CEP128: variants seen among roughly 807,000 people sequenced by gnomAD.
CEP128 encodes centrosomal protein 128kDa.
A neutral mutation model predicts 156.7 loss-of-function variants in CEP128; 132 were observed. That is an observed-to-expected ratio of 0.84 (90% CI 0.73 to 0.97). The LOEUF (loss-of-function observed/expected upper bound fraction) is 0.97, where lower values mean the gene tolerates loss of function less well. CEP128 is among the 50% of genes least tolerant of loss of function. The pLI is 0.00. For synonymous variants in CEP128, 469 were observed against 448.9 expected (o/e 1.04, Z -0.57); for missense variants, 1,252 against 1,281.9 (o/e 0.98, Z 0.36).
intron 18 of CEP128, among the ~76,000 whole-genome samples, 181 bp downstream of exon 18, chr14:80,756,711 T>C (rs1899677686): frequency 6.6e-6 from 1 of 152,182 alleles, no homozygotes; most frequent in South Asian, 2.1e-4. Context: ...ATATTTAACT[T>C]TAAAATGTTA....
chr14:80,853,882 G>T (rs1316754141), intron 9 of CEP128, among the ~76,000 whole-genome samples: 1 of 151,932 alleles, frequency 6.6e-6, no homozygotes, highest in African/African-American at 2.4e-5. Context: ...TTAAATTAGA[G>T]TGGAAAGAAC....
Position 80,777,972 on chromosome 14 carries a change from G to A in CEP128, c.2286C>T (p.Asp762=). ...GQLEKLKSQC[D]RLTEELTQNE... is the part of the protein sequence containing the mutation. ...TCTGGGTTAATTCCTCTGTCAGTCTGTCACACTGTGATTTCAACTTCTCCA... is the reference window on the plus strand; with the variant it reads ...TCTGGGTTAATTCCTCTGTCAGTCTATCACACTGTGATTTCAACTTCTCCA... Residue 762 remains aspartate, a synonymous_variant, in exon 16 of 25, where the codon GAC becomes GAT. Transcript: ENST00000555265. 10 of 1,612,968 alleles carry A rather than the reference G, an allele frequency of 6.2e-6. No individual in the cohort carries two copies. Among genetic ancestry groups the A allele is most frequent in the Non-Finnish European group, 8.5e-6 (10 of 1,179,366 alleles).
intron 19 of CEP128, among the ~76,000 whole-genome samples, chr14:80,674,991 G>A (rs1896002113): frequency 6.6e-6 from 1 of 151,880 alleles, no homozygotes; most frequent in Admixed American, 6.6e-5. Flanking sequence ...CTGTTTCAAG[G>A]GTCTAATGGA....
chr14:80,940,147 A>C (rs1294775225), intron 1 of CEP128, among the ~76,000 whole-genome samples: 2 of 152,226 alleles, frequency 1.3e-5, no homozygotes, highest in African/African-American at 4.8e-5. Flanking sequence ...AGATCTGGGA[A>C]TACATCTATA....
chr14:80,795,851 A>G (rs904286485), intron 13 of CEP128, among the ~76,000 whole-genome samples: 2 of 152,172 alleles, frequency 1.3e-5, no homozygotes, highest in Admixed American at 6.5e-5. Context: ...TCCAGCCTCC[A>G]AGGAAAGGGG....
rs533327028 is a variant in CEP128, at chr14:80,718,307, T to G, written c.2806+24768A>C. 2.0e-5 allele frequency among the ~76,000 whole-genome samples: 3 copies of G among 152,316 alleles called. No homozygotes were observed. The South Asian group carries it at 6.2e-4, about 32-fold the overall frequency. On this transcript the variant is annotated intron_variant, in intron 19 of 24. Transcript: ENST00000555265. Reference sequence around the variant, plus strand: ...TAGGTATATACATCACATTTCATCTTTTCAGCAAAAGTAAAGTTGCATAAC... The same window carrying G: ...TAGGTATATACATCACATTTCATCTGTTCAGCAAAAGTAAAGTTGCATAAC...
intron 3 of CEP128, among the ~76,000 whole-genome samples, chr14:80,914,894 C>G (rs1884455569): frequency 6.6e-6 from 1 of 152,102 alleles, no homozygotes; most frequent in African/African-American, 2.4e-5. Context: ...TGGTTCTTAT[C>G]TAAATATTCT....
intron 20 of CEP128, among the ~76,000 whole-genome samples, chr14:80,562,267 G>A (rs1890717172): frequency 6.6e-6 from 1 of 152,080 alleles, no homozygotes; most frequent in Non-Finnish European, 1.5e-5. Context: ...AAATGGTACT[G>A]AGACAGCTTT....
intron 23 of CEP128, among the ~76,000 whole-genome samples, chr14:80,521,159 G>A (rs375242617): frequency 5.3e-5 from 8 of 151,904 alleles, no homozygotes; most frequent in Admixed American, 6.6e-5. Context: ...TATTTTAAAG[G>A]AAACAATCAT....
intron 2 of CEP128, among the ~76,000 whole-genome samples, chr14:80,923,832 G>T (rs958665278): frequency 6.6e-6 from 1 of 152,042 alleles, no homozygotes; most frequent in East Asian, 1.9e-4. Flanking sequence ...TAATCCCCAT[G>T]CATTTAGTGA....
chr14:80,513,614 T>C (rs749065858), intron 23 of CEP128, among the ~76,000 whole-genome samples: 16 of 152,166 alleles, frequency 1.1e-4, no homozygotes, highest in Non-Finnish European at 1.9e-4. Flanking sequence ...GTCTGTCCTT[T>C]TGAGGAGAAG....
intron 19 of CEP128, among the ~76,000 whole-genome samples, chr14:80,715,393 G>C (rs1429110654): frequency 1.3e-5 from 2 of 152,096 alleles, no homozygotes; most frequent in African/African-American, 4.8e-5. Flanking sequence ...TAGTAAACAA[G>C]TGTTTTCTCG....
At position 80,485,322 on chromosome 14, in the gene CEP128, G is replaced by A. The variant is rs535686901; in HGVS notation, c.*311-6915C>T. Among the ~76,000 whole-genome samples, 21 of 152,070 alleles carry A rather than the reference G, an allele frequency of 1.4e-4. No individual in the cohort carries two copies. In the South Asian group the frequency reaches 4.4e-3, roughly 32 times the overall value. ...CAAAAGGGGTCAAGGAAAATGGGAG[G>A]GTCTTGGCTCTCTTATTTGATATTA... On this transcript the variant is annotated intron_variant and NMD_transcript_variant, in intron 14 of 14. Coordinates refer to the CEP128 transcript ENST00000554502.
At chr14:80,781,564 C>T (rs138998469) in intron 15 of CEP128, among the ~76,000 whole-genome samples, 26 of 149,762 alleles carry the variant, frequency 1.7e-4, no homozygotes, top group East Asian at 1.2e-3. Context: ...AAATAATTAA[C>T]GAAGGTTTTT....
downstream of CEP128, among the ~76,000 whole-genome samples, chr14:80,487,467 C>T (rs1194079007): frequency 9.9e-5 from 15 of 152,100 alleles, no homozygotes; most frequent in African/African-American, 2.7e-4. Context: ...GACAGATCAA[C>T]GAGACAGAAA....
chr14:80,684,802 T>C (rs538820472), intron 19 of CEP128, among the ~76,000 whole-genome samples: 61 of 151,482 alleles, frequency 4.0e-4, no homozygotes, highest in African/African-American at 1.4e-3. Context: ...TCAACATATG[T>C]AAATCAGTAA....
At chr14:80,866,038 A>G (rs1289557087) in intron 8 of CEP128, among the ~76,000 whole-genome samples, 2 of 152,122 alleles carry the variant, frequency 1.3e-5, no homozygotes, top group Non-Finnish European at 2.9e-5. Flanking sequence ...TGCTAATTGT[A>G]CATACCCAGA....
Position 80,482,877 on chromosome 14 carries a change from C to T in CEP128, c.*311-4470G>A, listed in dbSNP as rs533292534. ...TTAGCCCAAGTAAGAAAATAAATCG[C>T]TAAATGACAAGAAATTGGCCTGTGA... On this transcript the variant is annotated intron_variant and NMD_transcript_variant, in intron 14 of 14. Coordinates refer to the CEP128 transcript ENST00000554502. 1.1e-4 allele frequency among the ~76,000 whole-genome samples: 17 copies of T among 152,248 alleles called. No individual in the cohort carries two copies. The South Asian group carries it at 3.5e-3, about 32-fold the overall frequency.
At chr14:80,647,050 TATATA>T in intron 19 of CEP128, among the ~76,000 whole-genome samples, 1 of 3,596 alleles carries the variant, frequency 2.8e-4, no homozygotes, top group African/African-American at 2.5e-3. Flanking sequence ...TATATATATA[TATATA>T]TATATATATA....
Sources: allele counts gnomAD v4.1 joint callset (sites outside exome capture counted in the v4.1 genomes callset), GRCh38; gene constraint gnomAD v4.1.1; transcripts MANE v1.5; gene names NCBI Gene and HGNC (gene_info 2026-07-23, HGNC 2026-07-21).